THOC6: variants seen among roughly 807,000 people sequenced by gnomAD.
THOC6 encodes THO complex 6.
In THOC6, 39 loss-of-function variants were observed where a neutral mutation model predicts 55.8. That is an observed-to-expected ratio of 0.70 (90% CI 0.54 to 0.91). The LOEUF is 0.91. Among genes scored for constraint, THOC6 ranks in the 40% least tolerant of loss-of-function variants. THOC6 has a pLI of 0.00. For missense variants in THOC6, 482 were observed against 442.0 expected (o/e 1.09, Z -0.81); for synonymous variants, 192 against 175.6 (o/e 1.09, Z -0.74).
At chr16:3,024,427 G>A (rs1326428967) in intron 1 of THOC6, 62 bp downstream of exon 1, 46 of 1,601,338 alleles carry the variant, frequency 2.9e-5, no homozygotes, top group Non-Finnish European at 3.9e-5. Context: ...GCTGGGACGG[G>A]GCGGGCAGGG....
rs368947202 is a variant in THOC6, at chr16:3,026,914, G to A, written c.634G>A (p.Glu212Lys). ...EVQTIEVYKH[E>K]ECSRPHNGRW... ...CCAGACGATCGAGGTCTATAAGCAC[G>A]AGGTGAGGGTGTGACCGTGGCCATT... The change falls in exon 9 of 13, where the codon GAG becomes AAG. Residue 212 changes from glutamate to lysine, a missense_variant and splice_region_variant. Physicochemically the swap from Glu to Lys is moderately conservative, Grantham distance 56. Transcript: ENST00000326266. 13 of 1,614,082 alleles carry A rather than the reference G, an allele frequency of 8.1e-6. No individual in the cohort carries two copies. Among genetic ancestry groups the A allele is most frequent in the East Asian group, 2.2e-5 (1 of 44,902 alleles).
intron 1 of THOC6, among the ~76,000 whole-genome samples, chr16:3,024,685 A>T (rs562997683): frequency 7.1e-6 from 1 of 139,926 alleles, no homozygotes; most frequent in Admixed American, 7.6e-5. Flanking sequence ...CCTAGGCTAG[A>T]GTGCAGTGGC....
In THOC6 at chr16:3,027,560, G is replaced by T. The variant is rs770772875; in HGVS notation, c.946-17G>T. ...GCAGGGGTGTGGGCAGGCCAGTCAT[G>T]CCCCTCTTTCCTCCAGGTCCTGACA... On this transcript the variant is annotated splice_polypyrimidine_tract_variant and intron_variant, in intron 12 of 12. Coordinates refer to ENST00000326266, the MANE Select transcript of THOC6 (RefSeq NM_024339.5). 3 of 1,613,484 alleles carry T rather than the reference G, an allele frequency of 1.9e-6. No individual in the cohort carries two copies. The highest frequency in any genetic ancestry group is 1.7e-6 in the Non-Finnish European group (2 of 1,179,808).
chr16:3,024,850 G>T (rs1056060232), intron 1 of THOC6, among the ~76,000 whole-genome samples: 1 of 151,534 alleles, frequency 6.6e-6, no homozygotes, highest in African/African-American at 2.4e-5. Context: ...GACCAGGCTG[G>T]TCTCGAACTC....
rs781543955 is a variant in THOC6 at position 3,026,137 on chromosome 16, G to A, written c.295G>A (p.Ala99Thr). ...TAGTGCTGGGGATGGGGAGGTGAAG[G>A]CCTGGCTTTGGGCGGAGATGCTCAA... ...LLSAGDGEVK[A>T]WLWAEMLKKG... The change falls in exon 4 of 13, where the codon GCC (alanine) becomes ACC (threonine). Residue 99 changes from alanine to threonine, a missense_variant. Ala to Thr is a moderately conservative substitution (Grantham distance 58, BLOSUM62 0). Coordinates refer to ENST00000326266, the MANE Select transcript of THOC6 (RefSeq NM_024339.5). 12 of 1,608,272 alleles carry A rather than the reference G, an allele frequency of 7.5e-6. No homozygotes were observed. Among genetic ancestry groups the A allele is most frequent in the Non-Finnish European group, 1.0e-5 (12 of 1,175,850 alleles).
chr16:3,026,983 T>A, intron 9 of THOC6, 28 bp from the exon 10 acceptor site: 4 of 1,614,190 alleles, frequency 2.5e-6, no homozygotes, highest in Non-Finnish European at 3.4e-6. Flanking sequence ...GGTCTTCACC[T>A]CTTTCCCTCC....
chr16:3,027,577 G>A lies in THOC6; in HGVS notation c.946G>A (p.Val316Ile). The change falls in exon 13 of 13, where the codon GTC becomes ATC. Residue 316 changes from valine (V) to isoleucine (I), a missense_variant and splice_region_variant. Coordinates refer to ENST00000326266, the MANE Select transcript of THOC6 (RefSeq NM_024339.5). The part of the protein sequence containing the change: ...NQQPAAPECK[V>I]LTAAGNSCRV... ...CCAGTCATGCCCCTCTTTCCTCCAG[G>A]TCCTGACAGCTGCAGGCAACAGCTG... is the stretch of plus-strand genomic sequence containing the variant. 6.2e-7 allele frequency: 1 copy of A among 1,613,958 alleles called. No homozygotes were observed. Among genetic ancestry groups the A allele is most frequent in the Non-Finnish European group, 8.5e-7 (1 of 1,179,974 alleles).
intron 1 of THOC6, among the ~76,000 whole-genome samples, chr16:3,024,937 A>ATTTT (rs35849212): frequency 2.0e-5 from 2 of 102,356 alleles, no homozygotes; most frequent in East Asian, 2.5e-4. Flanking sequence ...GCCCGGCCAA[A>ATTTT]TTTTTTTTTT....
chr16:3,025,848 T>G, intron 2 of THOC6, 25 bp downstream of exon 2: 1 of 1,614,180 alleles, frequency 6.2e-7, no homozygotes, highest in Non-Finnish European at 8.5e-7. Flanking sequence ...TGTCCACCCA[T>G]TAGCCCTGGC....
chr16:3,026,677 A>C lies in THOC6; in HGVS notation c.484-2A>C. ...CTCCTGACATCGCCCCTCTACATGC[A>C]GAGGGTCCTCCGGGGCCACACAGAC... On this transcript the variant is annotated splice_acceptor_variant, in intron 7 of 12. Coordinates refer to ENST00000326266, the MANE Select transcript of THOC6 (RefSeq NM_024339.5). LOFTEE classifies it high-confidence loss of function. The C allele has an allele frequency of 5.6e-6, 9 of 1,612,110 alleles. No individual in the cohort carries two copies. The highest frequency in any genetic ancestry group is 7.6e-6 in the Non-Finnish European group (9 of 1,178,882).
In THOC6 at chr16:3,025,764, C is replaced by CT; in HGVS notation, c.97dup (p.Ser33PhefsTer34). On this transcript the variant is annotated frameshift_variant, in exon 2 of 13. Transcript: ENST00000326266. LOFTEE classifies it high-confidence loss of function. ...ATATGACCATCTTCTCCCAGAGCGT[C>CT]TCACCATGTGGGAAGTTTCTGGCGG... 1 of 1,614,250 alleles carries CT rather than the reference C, an allele frequency of 6.2e-7. No homozygotes were observed. The highest frequency in any genetic ancestry group is 8.5e-7 in the Non-Finnish European group (1 of 1,180,052).
Position 3,027,369 on chromosome 16 carries a change from CTG to C in THOC6, c.816_817del (p.Ala274TrpfsTer39). The C allele has an allele frequency of 6.2e-7, 1 of 1,613,084 alleles. No individual in the cohort carries two copies. The highest frequency in any genetic ancestry group is 8.5e-7 in the Non-Finnish European group (1 of 1,179,424). ...KHVTFYQDLI[L>X]SAGQGRCVNQ... Reference sequence around the variant, plus strand: ...GCACCTTCCCTGTCCTCTGCAGATTCTGTCAGCTGGCCAGGGCCGCTGCGTCA... The same window carrying C: ...GCACCTTCCCTGTCCTCTGCAGATTCTCAGCTGGCCAGGGCCGCTGCGTCA... On this transcript the variant is annotated frameshift_variant, in exon 12 of 13. Coordinates refer to ENST00000326266, the MANE Select transcript of THOC6 (RefSeq NM_024339.5). LOFTEE classifies it high-confidence loss of function.
Position 3,024,275 on chromosome 16 carries a change from CCTCG to C in THOC6, c.-51_-48del. 6.2e-7 allele frequency: 1 copy of C among 1,612,202 alleles called. No individual in the cohort carries two copies. Among genetic ancestry groups the C allele is most frequent in the Admixed American group, 1.7e-5 (1 of 59,994 alleles). On this transcript the variant is annotated 5_prime_UTR_variant, in exon 1 of 13. Transcript: ENST00000326266. Reference sequence around the variant, plus strand: ...GAGGAACCGCTCTAGGCACGTAAGGCCTCGTGAGGTTGCGTCGCGCGCGGAGCAC... The same window carrying C: ...GAGGAACCGCTCTAGGCACGTAAGGCTGAGGTTGCGTCGCGCGCGGAGCAC...
Position 3,026,070 on chromosome 16 carries a change from T to C in THOC6, c.228T>C (p.Asp76=). The C allele has an allele frequency of 6.2e-7, 1 of 1,612,406 alleles. No individual in the cohort carries two copies. Among genetic ancestry groups the C allele is most frequent in the South Asian group, 1.1e-5 (1 of 91,010 alleles). ...KKPVVTFQAH[D]GPVYSMVSTD... is the part of the protein sequence containing the mutation. ...TTCTGCATTTCTCTTTAGCCCATGA[T>C]GGGCCCGTCTATAGCATGGTTTCCA... The change falls in exon 4 of 13, where the codon GAT becomes GAC. Residue 76 remains aspartate (D), a synonymous_variant. Coordinates refer to ENST00000326266, the MANE Select transcript of THOC6 (RefSeq NM_024339.5).
Position 3,027,045 on chromosome 16 carries a change from G to C in THOC6, c.671G>C (p.Gly224Ala), listed in dbSNP as rs2072814610. 6.2e-7 allele frequency: 1 copy of C among 1,614,054 alleles called. No homozygotes were observed. Among genetic ancestry groups the C allele is most frequent in the Non-Finnish European group, 8.5e-7 (1 of 1,180,042 alleles). ...CSRPHNGRWI[G>A]CLATDSDWMV... Reference sequence around the variant, plus strand: ...AGGCCCCACAATGGGCGCTGGATTGGATGTTTGGCAACTGATTCCGACTGG... The same window carrying C: ...AGGCCCCACAATGGGCGCTGGATTGCATGTTTGGCAACTGATTCCGACTGG... Residue 224 changes from glycine (G) to alanine (A), a missense_variant, in exon 10 of 13, where the codon GGA becomes GCA. Physicochemically the swap from Gly to Ala is moderately conservative, Grantham distance 60. Transcript: ENST00000326266.
rs1160702954 is a variant in THOC6 at position 3,025,590 on chromosome 16, G to C, written c.40-118G>C. ...GGCTTGGGGCGGGGCCGCCTCAAAAGAAGGCTGAGAAGTCAGGACAGTGGG... is the reference window on the plus strand; with the variant it reads ...GGCTTGGGGCGGGGCCGCCTCAAAACAAGGCTGAGAAGTCAGGACAGTGGG... On this transcript the variant is annotated intron_variant, in intron 1 of 12. Transcript: ENST00000326266. 15 of 910,188 alleles carry C rather than the reference G, an allele frequency of 1.6e-5. No homozygotes were observed. The African/African-American group carries it at 2.0e-4, about 12-fold the overall frequency. 56.4% of individuals were successfully genotyped at this position (910,188 alleles called of 1,614,324 possible). A position where few individuals can be genotyped will look rare whatever the true frequency, so the allele number is the denominator to read the frequency against.
At chr16:3,025,167 C>G (rs1432179776) in intron 1 of THOC6, among the ~76,000 whole-genome samples, 1 of 152,022 alleles carries the variant, frequency 6.6e-6, no homozygotes, top group Non-Finnish European at 1.5e-5. Flanking sequence ...GTCTTGAACT[C>G]CTGACCTCAG....
intron 6 of THOC6, 41 bp downstream of exon 6, chr16:3,026,454 C>G (rs369985699): frequency 1.2e-6 from 2 of 1,614,012 alleles, no homozygotes; most frequent in East Asian, 4.5e-5. Context: ...AAACTTTGAT[C>G]CTTCACCCTC....
At position 3,026,300 on chromosome 16, in the gene THOC6, C is replaced by A; in HGVS notation, c.362+12C>A. 3.7e-6 allele frequency: 6 copies of A among 1,614,090 alleles called. No homozygotes were observed. Among genetic ancestry groups the A allele is most frequent in the Non-Finnish European group, 5.1e-6 (6 of 1,180,020 alleles). Reference sequence around the variant, plus strand: ...CAGCCTCCATACAGGTGAGCAGGGCCACGTGGATAGAGGGTGCATCAGGGT... The same window carrying A: ...CAGCCTCCATACAGGTGAGCAGGGCAACGTGGATAGAGGGTGCATCAGGGT... On this transcript the variant is annotated intron_variant, in intron 5 of 12. Transcript: ENST00000326266.
Sources: allele counts gnomAD v4.1 joint callset (sites outside exome capture counted in the v4.1 genomes callset), GRCh38; gene constraint gnomAD v4.1.1; transcripts MANE v1.5; gene names NCBI Gene and HGNC (gene_info 2026-07-23, HGNC 2026-07-21).